ASPRV1: variants seen among roughly 807,000 people sequenced by gnomAD.
ASPRV1 encodes retroviral-like aspartic protease 1.
A neutral mutation model predicts 11.0 loss-of-function variants in ASPRV1; 7 were observed. That is an observed-to-expected ratio of 0.64 (90% CI 0.36 to 1.20). The LOEUF is 1.20. Ranked by LOEUF, ASPRV1 falls within the 50% of genes most tolerant of loss-of-function variation. The pLI, the probability that ASPRV1 is intolerant of heterozygous loss-of-function variation, is 0.02. For synonymous variants in ASPRV1, 136 were observed against 138.4 expected (o/e 0.98, Z 0.12); for missense variants, 299 against 320.0 (o/e 0.93, Z 0.50).
the ASPRV1 span, among the ~76,000 whole-genome samples, chr2:70,004,413 C>T: frequency 6.6e-6 from 1 of 151,638 alleles, no homozygotes; most frequent in African/African-American, 2.4e-5. Context: ...ACCTGTAGTC[C>T]CAGCTACTCA....
At chr2:70,031,646 G>C in the ASPRV1 span, 1 of 152,082 alleles carries the variant, frequency 6.6e-6, no homozygotes, top group African/African-American at 2.4e-5. Context: ...GCAGTGAGCC[G>C]AGATTGAGCT....
the ASPRV1 span, chr2:70,017,998 G>A: frequency 6.6e-6 from 1 of 151,926 alleles, no homozygotes; most frequent in South Asian, 2.1e-4. Flanking sequence ...AAATTAGCCA[G>A]GTGTCATAGT....
the ASPRV1 span, among the ~76,000 whole-genome samples, chr2:70,080,761 A>G: frequency 6.6e-6 from 1 of 152,216 alleles, no homozygotes; most frequent in East Asian, 1.9e-4. Context: ...AGTCACCAAA[A>G]ACTGGATAAT....
the ASPRV1 span, among the ~76,000 whole-genome samples, chr2:70,004,049 A>G: frequency 2.0e-5 from 3 of 152,148 alleles, no homozygotes; most frequent in African/African-American, 7.2e-5. Flanking sequence ...GGACTAATAC[A>G]GGGTGTTTGA....
At chr2:70,084,173 T>C in the ASPRV1 span, among the ~76,000 whole-genome samples, 4 of 152,166 alleles carry the variant, frequency 2.6e-5, no homozygotes, top group African/African-American at 9.7e-5. Context: ...ATTATGGAAA[T>C]ATTTCAGTAG....
chr2:70,023,027 C>T, the ASPRV1 span, among the ~76,000 whole-genome samples: 1 of 152,106 alleles, frequency 6.6e-6, no homozygotes, highest in Non-Finnish European at 1.5e-5. Context: ...ATCCTAAAAA[C>T]AAAATCAAAA....
the ASPRV1 span, chr2:69,937,535 C>T: frequency 1.3e-6 from 1 of 775,436 alleles, no homozygotes. Flanking sequence ...AGTGTGACCT[C>T]CAGTGACAGG....
the ASPRV1 span, among the ~76,000 whole-genome samples, chr2:69,990,015 G>A: frequency 1.3e-5 from 2 of 152,140 alleles, no homozygotes; most frequent in Admixed American, 6.5e-5. Context: ...TAACCCTCAC[G>A]GAAATCCTCG....
At chr2:69,974,472 G>C in the ASPRV1 span, among the ~76,000 whole-genome samples, 1 of 151,982 alleles carries the variant, frequency 6.6e-6, no homozygotes, top group Non-Finnish European at 1.5e-5. Context: ...TTTAACCATT[G>C]GTTCATGAAA....
At chr2:70,065,390 C>CAAAAAAA in the ASPRV1 span, among the ~76,000 whole-genome samples, 14 of 52,702 alleles carry the variant, frequency 2.7e-4, no homozygotes, top group Non-Finnish European at 4.7e-4. Flanking sequence ...GACACCATCT[C>CAAAAAAA]AAAAAAAAAA....
the ASPRV1 span, among the ~76,000 whole-genome samples, chr2:70,004,981 A>G: frequency 9.2e-5 from 14 of 152,258 alleles, no homozygotes; most frequent in East Asian, 2.7e-3. Context: ...TGTTAAATGA[A>G]TGCATGAAGA....
the ASPRV1 span, among the ~76,000 whole-genome samples, chr2:69,936,093 T>C: frequency 6.6e-6 from 1 of 151,924 alleles, no homozygotes; most frequent in Admixed American, 6.6e-5. Context: ...TCAATGCTCT[T>C]CCCTCTGCTT....
chr2:70,056,324 G>C, the ASPRV1 span: 1 of 152,174 alleles, frequency 6.6e-6, no homozygotes, highest in Non-Finnish European at 1.5e-5. Context: ...AAGTGGTTAA[G>C]GCCGGGCGCG....
the ASPRV1 span, chr2:69,935,599 T>C: frequency 1.5e-6 from 1 of 655,174 alleles, no homozygotes; most frequent in South Asian, 1.8e-5. Flanking sequence ...GTACCTCAAA[T>C]GCAACATATT....
chr2:70,067,265 G>C, the ASPRV1 span, among the ~76,000 whole-genome samples: 1 of 151,764 alleles, frequency 6.6e-6, no homozygotes, highest in African/African-American at 2.4e-5. Context: ...CTGGGTTTGG[G>C]GCTTTAGCCG....
At chr2:70,076,866 AG>A in the ASPRV1 span, among the ~76,000 whole-genome samples, 1 of 152,242 alleles carries the variant, frequency 6.6e-6, no homozygotes, top group Non-Finnish European at 1.5e-5. Flanking sequence ...TCAGTAGGCC[AG>A]GAAAATATCA....
At chr2:70,009,311 C>CTTATTTAT in the ASPRV1 span, among the ~76,000 whole-genome samples, 38,185 of 147,464 alleles carry the variant, frequency 0.26, 5,793 homozygotes, top group African/African-American at 0.4. Context: ...AATTTATTGT[C>CTTATTTAT]TTATTTATTT....
chr2:70,013,419 G>C, the ASPRV1 span, among the ~76,000 whole-genome samples: 1 of 152,140 alleles, frequency 6.6e-6, no homozygotes, highest in Non-Finnish European at 1.5e-5. Flanking sequence ...TATGTAGCTG[G>C]ATTTCCTTCA....
the ASPRV1 span, among the ~76,000 whole-genome samples, chr2:69,954,498 A>C: frequency 6.6e-6 from 1 of 152,134 alleles, no homozygotes; most frequent in African/African-American, 2.4e-5. Context: ...TTTTGAATTG[A>C]GTGCATTTTA....
Sources: allele counts gnomAD v4.1 joint callset (sites outside exome capture counted in the v4.1 genomes callset), GRCh38; gene constraint gnomAD v4.1.1; transcripts MANE v1.5; gene names NCBI Gene and HGNC (gene_info 2026-07-23, HGNC 2026-07-21).